POLR2F: variants seen among roughly 807,000 people sequenced by gnomAD.
POLR2F encodes RNA polymerase II, I and III subunit F.
POLR2F carries 12 observed loss-of-function variants against 22.7 expected under a neutral mutation model. The observed-to-expected ratio is 0.53, with a 90% CI of 0.34 to 0.86. POLR2F has a LOEUF of 0.86. Ranked by LOEUF, POLR2F falls within the 40% of genes least tolerant of loss-of-function variation. The pLI, the probability that POLR2F is intolerant of heterozygous loss-of-function variation, is 0.02. For synonymous variants in POLR2F, 57 were observed against 66.0 expected, an observed-to-expected ratio of 0.86 and a Z score of 0.66; for missense variants, 126 against 171.5, an observed-to-expected ratio of 0.73 and a Z score of 1.48.
intron 1 of POLR2F, chr22:38,025,469 G>T: frequency 7.2e-7 from 1 of 1,386,904 alleles, no homozygotes; most frequent in South Asian, 1.8e-5. Context: ...CGTACTCAAA[G>T]ATACGATCAC....
chr22:38,023,511 ACAGTTTCGTGG>A (rs2084978634), intron 1 of POLR2F, among the ~76,000 whole-genome samples: 1 of 151,904 alleles, frequency 6.6e-6, no homozygotes, highest in Non-Finnish European at 1.5e-5. Context: ...TATTGAGTGT[ACAGTTTCGTGG>A]CACTAGGTGC....
At chr22:38,012,661 C>G (rs1400751508) in intron 1 of POLR2F, among the ~76,000 whole-genome samples, 1 of 152,170 alleles carries the variant, frequency 6.6e-6, no homozygotes, top group African/African-American at 2.4e-5. Flanking sequence ...ACCATATCTC[C>G]CAGGTCTCCC....
intron 1 of POLR2F, among the ~76,000 whole-genome samples, chr22:38,013,440 C>T (rs2084889694): frequency 6.6e-6 from 1 of 152,208 alleles, no homozygotes; most frequent in Admixed American, 6.5e-5. Flanking sequence ...GCCACTACGC[C>T]CGGTCAGTTG....
chr22:37,988,355 A>C (rs980642639), intron 1 of POLR2F: 2 of 150,758 alleles, frequency 1.3e-5, no homozygotes, highest in Admixed American at 6.6e-5. Flanking sequence ...AAAGAAAAAA[A>C]GAAAAACATA....
upstream of POLR2F, chr22:37,983,872 G>T: frequency 8.5e-7 from 1 of 1,178,948 alleles, no homozygotes; most frequent in Non-Finnish European, 1.1e-6. The surrounding 1 kb of genome is among the most constrained non-coding windows in gnomAD (Gnocchi z 9.5). Flanking sequence ...CGCCCACCTG[G>T]ATGGAAGGAG....
At chr22:37,954,803 G>A (rs1399285837) in intron 1 of POLR2F, among the ~76,000 whole-genome samples, 2 of 152,194 alleles carry the variant, frequency 1.3e-5, no homozygotes, top group African/African-American at 4.8e-5. Flanking sequence ...CCCATTCCCA[G>A]TGAGTGTCAG....
intron 1 of POLR2F, among the ~76,000 whole-genome samples, chr22:38,023,009 C>G (rs1256419801): frequency 6.6e-6 from 1 of 152,210 alleles, no homozygotes; most frequent in Non-Finnish European, 1.5e-5. Context: ...AAGACTCTGT[C>G]TCTGAAGAAA....
upstream of POLR2F, among the ~76,000 whole-genome samples, chr22:37,985,842 C>T (rs1932555565): frequency 6.6e-6 from 1 of 151,932 alleles, no homozygotes; most frequent in South Asian, 2.1e-4. Flanking sequence ...CACACACACA[C>T]ACACACACAC....
In POLR2F at chr22:37,986,467, G is replaced by A; in HGVS notation, c.120+155G>A. ...GCCCAGAGTTAGGAGGTGGAATGTG[G>A]GGTCCCACAGCTGCCCCCTCTCTAA... On this transcript the variant is annotated intron_variant, in intron 1 of 2. Transcript: ENST00000333418. This position sits in a 1 kb window ranked among gnomAD's most constrained non-coding sequence, Gnocchi z 4.7. 1 of 1,482,934 alleles carries A rather than the reference G, an allele frequency of 6.7e-7. No individual in the cohort carries two copies. The highest frequency in any genetic ancestry group is 9.1e-7 in the Non-Finnish European group (1 of 1,100,056). The allele number at this position is 1,482,934 out of a possible 1,614,324, so 91.9% of individuals were successfully genotyped here.
At chr22:38,033,696 T>A (rs2085087688) in intron 5 of POLR2F, among the ~76,000 whole-genome samples, 1 of 152,178 alleles carries the variant, frequency 6.6e-6, no homozygotes, top group Non-Finnish European at 1.5e-5. Flanking sequence ...ATTTCCTCAG[T>A]TGTTTTCCAA....
downstream of POLR2F, chr22:38,041,220 G>C: frequency 6.7e-7 from 1 of 1,499,566 alleles, no homozygotes; most frequent in Non-Finnish European, 9.2e-7. Flanking sequence ...GTGAGGACAC[G>C]GTCTAGACTG....
In POLR2F at chr22:38,014,122, CAAAA is replaced by C. The variant is rs918824276; in HGVS notation, c.121-11731_121-11728del. Reference sequence around the variant, plus strand: ...GGGCAACAAGAGTGAAACTCTGTCTCAAAAAAAAAAAAAAAAAAAGAAAAAAGAA... The same window carrying C: ...GGGCAACAAGAGTGAAACTCTGTCTCAAAAAAAAAAAAAAAGAAAAAAGAA... On this transcript the variant is annotated intron_variant, in intron 1 of 2. Transcript: ENST00000333418. Among the ~76,000 whole-genome samples, 30 of 60,276 alleles carry C rather than the reference CAAAA, an allele frequency of 5.0e-4. No individual in the cohort carries two copies. In the East Asian group the frequency reaches 0.012, roughly 25 times the overall value. 39.5% of individuals were successfully genotyped at this position (60,276 alleles called of 152,430 possible). A position where few individuals can be genotyped will look rare whatever the true frequency, so the allele number is the denominator to read the frequency against.
intron 1 of POLR2F, among the ~76,000 whole-genome samples, chr22:38,010,026 T>G (rs1237304427): frequency 6.6e-6 from 1 of 152,190 alleles, no homozygotes; most frequent in African/African-American, 2.4e-5. Context: ...TTCTTGTAGA[T>G]AAATAGCCAT....
chr22:37,954,195 T>G (rs1157250795), intron 1 of POLR2F, among the ~76,000 whole-genome samples: 1 of 152,016 alleles, frequency 6.6e-6, no homozygotes, highest in Non-Finnish European at 1.5e-5. Flanking sequence ...GGTGGTCGCG[T>G]GAGCTTCCCC....
intron 3 of POLR2F, among the ~76,000 whole-genome samples, chr22:37,966,631 A>T (rs1931862025): frequency 6.6e-6 from 1 of 151,950 alleles, no homozygotes; most frequent in African/African-American, 2.4e-5. Flanking sequence ...AAAAATAAAA[A>T]AATTAGCATA....
upstream of POLR2F, chr22:37,983,218 C>G: frequency 9.4e-7 from 1 of 1,058,276 alleles, no homozygotes; most frequent in South Asian, 1.4e-5. This position sits in a 1 kb window ranked among gnomAD's most constrained non-coding sequence, Gnocchi z 9.5. Context: ...GCGCGGCCCC[C>G]ACACCTGGTC....
chr22:38,030,470 G>A (rs534126695), downstream of POLR2F, among the ~76,000 whole-genome samples: 1 of 152,250 alleles, frequency 6.6e-6, no homozygotes, highest in South Asian at 2.1e-4. Context: ...GGGAGCCAGT[G>A]TGCGCTGACT....
chr22:37,979,685 C>T (rs1017896433), intron 4 of POLR2F, among the ~76,000 whole-genome samples: 3 of 152,032 alleles, frequency 2.0e-5, no homozygotes, highest in Non-Finnish European at 4.4e-5. Context: ...AAGCCAGCGC[C>T]CTTGCCACCG....
chr22:37,956,289 A>T (rs1012123269), intron 1 of POLR2F, among the ~76,000 whole-genome samples: 1 of 150,776 alleles, frequency 6.6e-6, no homozygotes, highest in East Asian at 2.0e-4. Flanking sequence ...ACGGGGTTTC[A>T]TCATGTTGGT....
Sources: allele counts gnomAD v4.1 joint callset (sites outside exome capture counted in the v4.1 genomes callset), GRCh38; gene constraint gnomAD v4.1.1; non-coding constraint Gnocchi (gnomAD v3.1); transcripts MANE v1.5; gene names NCBI Gene and HGNC (gene_info 2026-07-23, HGNC 2026-07-21).